The following MYO1H variants were observed in gnomAD, a reference collection of about 807,000 sequenced individuals.
The protein encoded by MYO1H is myosin IH, also known as unconventional myosin-Ih.
In MYO1H, 118 loss-of-function variants were observed where a neutral mutation model predicts 149.3. The ratio of observed to expected loss-of-function variants is 0.79; its 90% CI spans 0.68 to 0.92. The LOEUF is 0.92. Among genes scored for constraint, MYO1H ranks in the 40% least tolerant of loss-of-function variants. The probability of loss-of-function intolerance (pLI) is 0.00; values close to 1 mark genes in which losing one functional copy is unlikely to be tolerated. For synonymous variants in MYO1H, 447 were observed against 465.2 expected (o/e 0.96, Z 0.50); for missense variants, 1,212 against 1,280.7 (o/e 0.95, Z 0.82).
At chr12:109,330,466 T>G in the MYO1H span, among the ~76,000 whole-genome samples, 1 of 152,224 alleles carries the variant, frequency 6.6e-6, no homozygotes, top group African/African-American at 2.4e-5. Flanking sequence ...ACTCCTGTGC[T>G]TTGGAAGCTA....
At chr12:109,330,440 C>A in the MYO1H span, among the ~76,000 whole-genome samples, 1 of 152,306 alleles carries the variant, frequency 6.6e-6, no homozygotes, top group East Asian at 1.9e-4. Flanking sequence ...CTGATGGACA[C>A]ATGTCTCGCA....
intron 19 of MYO1H, among the ~76,000 whole-genome samples, chr12:109,429,913 A>C (rs1871539378): frequency 6.6e-6 from 1 of 152,230 alleles, no homozygotes; most frequent in Non-Finnish European, 1.5e-5. Flanking sequence ...AGGCACTGGC[A>C]GACTCAGTGT....
At chr12:109,420,875 TCCTAA>T (rs1370277156) in intron 15 of MYO1H, 101 bp from the exon 16 acceptor site, 1 of 716,486 alleles carries the variant, frequency 1.4e-6, no homozygotes, top group African/African-American at 1.8e-5. Flanking sequence ...TATGAGCTAA[TCCTAA>T]GAAATTCTTT....
chr12:109,318,972 G>GTTTTTGTTTTTTTTTTTTTTTT, the MYO1H span, among the ~76,000 whole-genome samples: 3 of 77,256 alleles, frequency 3.9e-5, no homozygotes, highest in South Asian at 5.6e-4. Context: ...TTTTGGTTTT[G>GTTTTTGTTTTTTTTTTTTTTTT]TTTTTTTTTT....
chr12:109,358,346 T>G (rs575438024), intron 1 of MYO1H, among the ~76,000 whole-genome samples: 7 of 152,240 alleles, frequency 4.6e-5, no homozygotes, highest in Admixed American at 2.6e-4. Flanking sequence ...GGATTCCGTG[T>G]TAGGGGAGAA....
upstream of MYO1H, among the ~76,000 whole-genome samples, chr12:109,344,924 A>C (rs1032258696): frequency 3.9e-5 from 6 of 152,250 alleles, no homozygotes; most frequent in African/African-American, 1.4e-4. Flanking sequence ...TGCCACATGC[A>C]ATGTTATAAA....
chr12:109,315,210 A>G, the MYO1H span, among the ~76,000 whole-genome samples: 1 of 152,178 alleles, frequency 6.6e-6, no homozygotes, highest in Non-Finnish European at 1.5e-5. Flanking sequence ...CCATTCACCA[A>G]TCACCAATCA....
intron 31 of MYO1H, 76 bp from the exon 32 acceptor site, chr12:109,447,083 G>A: frequency 7.0e-7 from 1 of 1,437,234 alleles, no homozygotes. Flanking sequence ...AATGGTGACA[G>A]TTGAGGTGAT....
At chr12:109,365,449 T>G (rs951078794) in intron 1 of MYO1H, among the ~76,000 whole-genome samples, 1 of 152,226 alleles carries the variant, frequency 6.6e-6, no homozygotes, top group East Asian at 1.9e-4. Context: ...TTTAGCATTA[T>G]GGCTTCGGGG....
the MYO1H span, among the ~76,000 whole-genome samples, chr12:109,323,389 A>G: frequency 6.6e-6 from 1 of 152,248 alleles, no homozygotes; most frequent in Non-Finnish European, 1.5e-5. Context: ...TGTCATGGGC[A>G]CAAAAACAGA....
intron 1 of MYO1H, among the ~76,000 whole-genome samples, chr12:109,375,036 G>A (rs562134691): frequency 6.6e-6 from 1 of 152,118 alleles, no homozygotes; most frequent in Admixed American, 6.5e-5. Context: ...TGTATTTTTA[G>A]TAGAGACGGG....
chr12:109,387,837 C>T (rs1007173592), intron 1 of MYO1H, among the ~76,000 whole-genome samples: 2 of 152,216 alleles, frequency 1.3e-5, no homozygotes, highest in Admixed American at 6.5e-5. Flanking sequence ...GCCCTCTGGC[C>T]GCAGCTTGCC....
At chr12:109,386,117 G>A (rs1376547000) in intron 1 of MYO1H, among the ~76,000 whole-genome samples, 1 of 152,102 alleles carries the variant, frequency 6.6e-6, no homozygotes, top group African/African-American at 2.4e-5. Context: ...CCTACAGTAC[G>A]ACTCTTTTGT....
intron 19 of MYO1H, among the ~76,000 whole-genome samples, chr12:109,428,322 A>G (rs905346334): frequency 1.3e-5 from 2 of 152,152 alleles, no homozygotes; most frequent in African/African-American, 4.8e-5. Flanking sequence ...TGTCAAGAGC[A>G]GCAGGTTAGC....
chr12:109,426,708 G>C (rs1028217183), intron 18 of MYO1H, among the ~76,000 whole-genome samples: 1 of 152,286 alleles, frequency 6.6e-6, no homozygotes, highest in Middle Eastern at 3.4e-3. Flanking sequence ...GACTTGGGTA[G>C]TTTCTAAGCT....
At chr12:109,446,082 TG>T in intron 31 of MYO1H, 1 of 985,118 alleles carries the variant, frequency 1.0e-6, no homozygotes, top group African/African-American at 1.7e-5. Context: ...GTAAAAAATA[TG>T]TAAGAAAATA....
chr12:109,385,398 C>A (rs927109730), intron 1 of MYO1H, among the ~76,000 whole-genome samples: 5 of 118,818 alleles, frequency 4.2e-5, no homozygotes, highest in Non-Finnish European at 8.8e-5. Flanking sequence ...GAGGTTCATG[C>A]GATCCTCCCA....
In MYO1H at chr12:109,432,882, C is replaced by T. The variant is rs528975187; in HGVS notation, c.1950-15C>T. 2 of 1,608,646 alleles carry T rather than the reference C, an allele frequency of 1.2e-6. No individual in the cohort carries two copies. Among genetic ancestry groups the T allele is most frequent in the African/African-American group, 1.3e-5 (1 of 74,972 alleles). On this transcript the variant is annotated splice_polypyrimidine_tract_variant and intron_variant, in intron 19 of 31. Transcript: ENST00000310903. ...GGTACGGTCACAGCTTCTCCATGTC[C>T]ATCTCCTCTCCTAGGTACAAGTCCT... is the stretch of plus-strand genomic sequence containing the variant.
chr12:109,355,271 T>C (rs1868563210), intron 1 of MYO1H, among the ~76,000 whole-genome samples: 2 of 152,176 alleles, frequency 1.3e-5, no homozygotes, highest in African/African-American at 4.8e-5. Context: ...CAATTCTCCT[T>C]ACGTGCAATC....
Sources: gnomAD v4.1 joint callset for allele counts (sites outside exome capture counted in the v4.1 genomes callset) on GRCh38, gnomAD v4.1.1 for gene constraint, MANE v1.5 for transcripts, NCBI Gene and HGNC (gene_info 2026-07-23, HGNC 2026-07-21) for gene names.